CDH13: variants seen among roughly 807,000 people sequenced by gnomAD.
The protein encoded by CDH13 is cadherin 13.
CDH13 carries 24 observed loss-of-function variants against 63.8 expected under a neutral mutation model. The observed-to-expected ratio is 0.38, with a 90% CI of 0.27 to 0.53. CDH13 has a LOEUF of 0.53. CDH13 is among the 20% of genes least tolerant of loss of function. The probability of loss-of-function intolerance (pLI) is 0.85; values close to 1 mark genes in which losing one functional copy is unlikely to be tolerated. For missense variants in CDH13, 1,049 were observed against 903.1 expected, an observed-to-expected ratio of 1.16 and a Z score of -2.07; for synonymous variants, 503 against 355.3, an observed-to-expected ratio of 1.42 and a Z score of -4.67.
chr16:82,976,326 C>T (rs1909500978), intron 2 of CDH13, among the ~76,000 whole-genome samples: 1 of 152,126 alleles, frequency 6.6e-6, no homozygotes, highest in Non-Finnish European at 1.5e-5. Context: ...ATTCTTCTTG[C>T]TTGGTGTCCT....
intron 2 of CDH13, among the ~76,000 whole-genome samples, chr16:83,025,807 C>T (rs1277955563): frequency 6.6e-6 from 1 of 152,144 alleles, no homozygotes; most frequent in Non-Finnish European, 1.5e-5. Flanking sequence ...AATGTGGAGA[C>T]CTGGCACCTT....
chr16:83,677,160 G>A (rs1395408545), intron 9 of CDH13, among the ~76,000 whole-genome samples: 1 of 152,206 alleles, frequency 6.6e-6, no homozygotes, highest in South Asian at 2.1e-4. Context: ...CCCACTCTGG[G>A]AAATGCTGCA....
chr16:83,080,136 G>T (rs1482525023), intron 3 of CDH13, among the ~76,000 whole-genome samples: 1 of 152,144 alleles, frequency 6.6e-6, no homozygotes, highest in Non-Finnish European at 1.5e-5. Flanking sequence ...GCAGAAGGGA[G>T]TAACAAGTGA....
rs527425158 is a variant in CDH13 at position 83,101,049 on chromosome 16, A to T, written c.367-24336A>T. ...TGGTAAAGGACAAAAATTATTTGTC[A>T]AATATTGATTGAGCACCTACTATAT... On this transcript the variant is annotated intron_variant, in intron 3 of 13. Transcript: ENST00000567109. Among the ~76,000 whole-genome samples the T allele has an allele frequency of 2.0e-5, 3 of 152,290 alleles. 1 individual carries two copies. The South Asian group carries it at 6.2e-4, about 32-fold the overall frequency.
intron 1 of CDH13, chr16:82,719,602 T>TTG: frequency 2.8e-6 from 1 of 352,832 alleles, no homozygotes; most frequent in South Asian, 2.2e-5. Context: ...TCCCAGCACT[T>TTG]TGACAAGCCA....
intron 1 of CDH13, among the ~76,000 whole-genome samples, chr16:82,681,036 G>T (rs58377814): frequency 0.6 from 91,689 of 152,104 alleles, 27,872 homozygotes; most frequent in East Asian, 0.67. Flanking sequence ...AAATGAGGAT[G>T]CAGATGAGAG....
chr16:83,756,449 C>T (rs907154333), intron 11 of CDH13, among the ~76,000 whole-genome samples: 1 of 152,212 alleles, frequency 6.6e-6, no homozygotes, highest in African/African-American at 2.4e-5. Flanking sequence ...TTAAAACAAG[C>T]TTGTCCAACC....
chr16:83,479,568 A>C (rs1244240320), intron 6 of CDH13, among the ~76,000 whole-genome samples: 1 of 152,054 alleles, frequency 6.6e-6, no homozygotes, highest in East Asian at 1.9e-4. Context: ...GAGGCAGGAG[A>C]ATGGCATGAA....
chr16:83,240,780 TCTAACTCCTGTGC>T (rs1904366840), intron 5 of CDH13, among the ~76,000 whole-genome samples: 1 of 131,778 alleles, frequency 7.6e-6, no homozygotes, highest in Admixed American at 9.2e-5. Context: ...CAAGCTGGCT[TCTAACTCCTGTGC>T]TCAAGTGATC....
chr16:82,830,593 C>G (rs942859587), intron 1 of CDH13, among the ~76,000 whole-genome samples: 1 of 152,192 alleles, frequency 6.6e-6, no homozygotes, highest in Non-Finnish European at 1.5e-5. Flanking sequence ...CTTCTTTCCT[C>G]ACACTCATCT....
At chr16:82,832,568 A>G (rs1046318520) in intron 1 of CDH13, among the ~76,000 whole-genome samples, 21 of 150,694 alleles carry the variant, frequency 1.4e-4, no homozygotes, top group African/African-American at 5.1e-4. Flanking sequence ...CACAGTTATA[A>G]TTAGATTTAT....
At chr16:82,825,162 A>G (rs1204030162) in intron 1 of CDH13, 1 of 152,146 alleles carries the variant, frequency 6.6e-6, no homozygotes, top group African/African-American at 2.4e-5. Flanking sequence ...AAATTTAGCC[A>G]AAAAAATTAA....
intron 3 of CDH13, among the ~76,000 whole-genome samples, chr16:83,107,801 C>CT (rs1483396092): frequency 7.1e-6 from 1 of 139,972 alleles, no homozygotes; most frequent in Admixed American, 7.3e-5. Flanking sequence ...CTTTTCTTTT[C>CT]TTTTTTCTTT....
intron 8 of CDH13, among the ~76,000 whole-genome samples, chr16:83,655,760 G>A (rs1450261001): frequency 6.6e-6 from 1 of 152,188 alleles, no homozygotes; most frequent in Admixed American, 6.5e-5. Flanking sequence ...CTGGCATGTA[G>A]CAGGTGTTCA....
rs563189455 is a variant in CDH13 at position 83,131,159 on chromosome 16, T to C, written c.483+5658T>C. Among the ~76,000 whole-genome samples the C allele has an allele frequency of 9.6e-5, 11 of 115,072 alleles. 1 individual carries two copies. The highest frequency in any genetic ancestry group is 4.4e-4 in the African/African-American group (11 of 25,118). The allele number at this position is 115,072 out of a possible 152,430, so 75.5% of individuals were successfully genotyped here. ...CACTGCTACTCACTTAGATAGCAGG[T>C]GGGGAGTATAAGGGGGTGTATGACC... On this transcript the variant is annotated intron_variant, in intron 4 of 13. Coordinates refer to ENST00000567109, the MANE Select transcript of CDH13 (RefSeq NM_001257.5).
intron 6 of CDH13, among the ~76,000 whole-genome samples, chr16:83,395,012 G>C (rs1172569194): frequency 1.3e-5 from 2 of 152,118 alleles, no homozygotes; most frequent in Non-Finnish European, 2.9e-5. Flanking sequence ...GCTGGGCATG[G>C]TGGTGGGCAC....
At chr16:82,653,079 A>T (rs1259535848) in intron 1 of CDH13, among the ~76,000 whole-genome samples, 1 of 152,208 alleles carries the variant, frequency 6.6e-6, no homozygotes, top group Non-Finnish European at 1.5e-5. Flanking sequence ...TTGTCCATTC[A>T]GTGTGAATGA....
Position 82,754,712 on chromosome 16 carries a change from T to C in CDH13, c.46-103650T>C, listed in dbSNP as rs187481314. On this transcript the variant is annotated intron_variant, in intron 1 of 13. Coordinates refer to ENST00000567109, the MANE Select transcript of CDH13 (RefSeq NM_001257.5). The stretch of plus-strand genomic sequence containing the variant: ...TCTACCTTTTGTTACGATGATTATA[T>C]GGCAAAATGCAAAACAACTTGACAG... Among the ~76,000 whole-genome samples, 477 of 152,332 alleles carry C rather than the reference T, an allele frequency of 3.1e-3. 2 individuals are homozygous for C. Among genetic ancestry groups the C allele is most frequent in the Middle Eastern group, 6.8e-3 (2 of 294 alleles).
chr16:83,708,685 C>A (rs1334942687), intron 10 of CDH13, among the ~76,000 whole-genome samples: 1 of 152,130 alleles, frequency 6.6e-6, no homozygotes, highest in East Asian at 1.9e-4. Context: ...TTTAGACGAC[C>A]TTAGATCATC....
Sources: allele counts gnomAD v4.1 joint callset (sites outside exome capture counted in the v4.1 genomes callset), GRCh38; gene constraint gnomAD v4.1.1; transcripts MANE v1.5; gene names NCBI Gene and HGNC (gene_info 2026-07-23, HGNC 2026-07-21).